The following KIAA1614 variants were observed in gnomAD, a reference collection of about 807,000 sequenced individuals.
The protein encoded by KIAA1614 is uncharacterized protein KIAA1614.
A neutral mutation model predicts 88.7 loss-of-function variants in KIAA1614; 76 were observed. The ratio of observed to expected loss-of-function variants is 0.86; its 90% CI spans 0.71 to 1.04. The LOEUF (loss-of-function observed/expected upper bound fraction) is 1.04. KIAA1614 is among the 50% of genes least tolerant of loss of function. The probability of loss-of-function intolerance (pLI) is 0.00; values close to 1 mark genes in which losing one functional copy is unlikely to be tolerated. For missense variants in KIAA1614, 1,553 were observed against 1,582.5 expected, an observed-to-expected ratio of 0.98 and a Z score of 0.32; for synonymous variants, 714 against 675.5, an observed-to-expected ratio of 1.06 and a Z score of -0.88.
Position 180,935,096 on chromosome 1 carries a change from C to T in KIAA1614, c.1206-19C>T, listed in dbSNP as rs1411675838. Reference sequence around the variant, plus strand: ...CCAGGTTTCTGCCCTTGACCTCTCTCCTCCTGTCTCTTCATCAGAGATGGC... The same window carrying T: ...CCAGGTTTCTGCCCTTGACCTCTCTTCTCCTGTCTCTTCATCAGAGATGGC... On this transcript the variant is annotated intron_variant, in intron 4 of 8. Transcript: ENST00000367588. The surrounding 1 kb of genome is among the most constrained non-coding windows in gnomAD (Gnocchi z 6.1). The T allele has an allele frequency of 2.1e-6, 3 of 1,397,356 alleles. No individual in the cohort carries two copies. The highest frequency in any genetic ancestry group is 2.8e-6 in the Non-Finnish European group (3 of 1,073,532). 86.6% of individuals were successfully genotyped at this position (1,397,356 alleles called of 1,614,324 possible). A position where few individuals can be genotyped will look rare whatever the true frequency, so the allele number is the denominator to read the frequency against.
intron 3 of KIAA1614, among the ~76,000 whole-genome samples, chr1:180,925,117 A>T (rs1654040058): frequency 6.6e-6 from 1 of 150,714 alleles, no homozygotes; most frequent in South Asian, 2.1e-4. Flanking sequence ...CAAGCCACAC[A>T]CTTCCCCGCC....
chr1:180,937,129 C>G (rs544685237), intron 5 of KIAA1614, among the ~76,000 whole-genome samples: 35 of 152,380 alleles, frequency 2.3e-4, no homozygotes, highest in Non-Finnish European at 4.3e-4. Flanking sequence ...CCCTGCCCCT[C>G]CAGCATCATT....
rs980743808 is a variant in KIAA1614, at chr1:180,928,724, T to C, written c.1205+151T>C. On this transcript the variant is annotated intron_variant, in intron 4 of 8. Coordinates refer to ENST00000367588, the MANE Select transcript of KIAA1614 (RefSeq NM_020950.2). ...TTCCATATAAGGCTCTTGCTTTGAT[T>C]ATTTAGTCAGTCAACACACCTTTCC... 6.7e-6 allele frequency: 6 copies of C among 898,584 alleles called. No homozygotes were observed. In the East Asian group the frequency reaches 1.5e-4, roughly 22 times the overall value. The allele number at this position is 898,584 out of a possible 1,614,324, so 55.7% of individuals were successfully genotyped here. A position where few individuals can be genotyped will look rare whatever the true frequency, so the allele number is the denominator to read the frequency against.
At chr1:180,918,298 C>G (rs1390098531) in intron 3 of KIAA1614, among the ~76,000 whole-genome samples, 1 of 152,206 alleles carries the variant, frequency 6.6e-6, no homozygotes, top group Admixed American at 6.5e-5. Context: ...GTGAAAATCA[C>G]TGGGGAAAAT....
At position 180,913,628 on chromosome 1, in the gene KIAA1614, T is replaced by TA. The variant is rs370724765; in HGVS notation, c.50+336dup. On this transcript the variant is annotated intron_variant, in intron 1 of 8. Coordinates refer to ENST00000367588, the MANE Select transcript of KIAA1614 (RefSeq NM_020950.2). Reference sequence around the variant, plus strand: ...CCAGAGTTTACCCATCAACAATTCTTACTTTAATTTTTTGGAGCCAGGGTC... The same window carrying TA: ...CCAGAGTTTACCCATCAACAATTCTTAACTTTAATTTTTTGGAGCCAGGGTC... Among the ~76,000 whole-genome samples, 279 of 152,334 alleles carry TA rather than the reference T, an allele frequency of 1.8e-3. 1 individual carries two copies. Among genetic ancestry groups the TA allele is most frequent in the African/African-American group, 6.1e-3 (255 of 41,578 alleles).
At chr1:180,934,252 C>CAAAAAAAAAAAAAAA (rs71121058) in intron 4 of KIAA1614, among the ~76,000 whole-genome samples, 1 of 101,814 alleles carries the variant, frequency 9.8e-6, no homozygotes, top group East Asian at 2.9e-4. Context: ...AACTCCGTCT[C>CAAAAAAAAAAAAAAA]AAAAAAAAAA....
At position 180,945,328 on chromosome 1, in the gene KIAA1614, G is replaced by C; in HGVS notation, c.3313G>C (p.Ala1105Pro). The C allele has an allele frequency of 6.3e-7, 1 of 1,587,564 alleles. No homozygotes were observed. Among genetic ancestry groups the C allele is most frequent in the Non-Finnish European group, 8.5e-7 (1 of 1,173,164 alleles). The change falls in exon 9 of 9, where the codon GCC becomes CCC. Residue 1105 changes from alanine to proline, a missense_variant. By Grantham distance (27) the Ala-to-Pro change is conservative. Transcript: ENST00000367588. The part of the protein sequence containing the change: ...GRPAKTSPRR[A>P]LSVEDVGAPS... The stretch of plus-strand genomic sequence containing the variant: ...GCCGGCCAAGACTTCACCACGGCGT[G>C]CCCTCAGTGTGGAGGACGTGGGTGC...
At position 180,946,916 on chromosome 1, in the gene KIAA1614, G is replaced by T. The variant is rs968670956; in HGVS notation, c.*1328G>T. 2 of 152,268 alleles carry T rather than the reference G, an allele frequency of 1.3e-5. No individual in the cohort carries two copies. The allele number at this position is 152,268 out of a possible 1,614,324, so 9.4% of individuals were successfully genotyped here. A position where few individuals can be genotyped will look rare whatever the true frequency, so the allele number is the denominator to read the frequency against. The stretch of plus-strand genomic sequence containing the variant: ...ATACTACCCAGTGAGCAGTTAGATT[G>T]TATCTATAAAATGTGTACTCTTGTT... On this transcript the variant is annotated 3_prime_UTR_variant, in exon 9 of 9. Coordinates refer to ENST00000367588, the MANE Select transcript of KIAA1614 (RefSeq NM_020950.2).
rs1384146464 is a variant in KIAA1614 at position 180,935,668 on chromosome 1, C to T, written c.1759C>T (p.Pro587Ser). The T allele has an allele frequency of 1.2e-6, 2 of 1,613,212 alleles. No individual in the cohort carries two copies. Among genetic ancestry groups the T allele is most frequent in the South Asian group, 1.1e-5 (1 of 91,044 alleles). The change falls in exon 5 of 9, where the codon CCC becomes TCC. Residue 587 changes from proline to serine, a missense_variant. Pro to Ser is a moderately conservative substitution (Grantham distance 74). Transcript: ENST00000367588. This position sits in a 1 kb window ranked among gnomAD's most constrained non-coding sequence, Gnocchi z 6.1. ...SSPLRLLPAE[P>S]RLHMEWIRET... is the part of the protein sequence containing the mutation. ...CCCACTCCGGCTCCTTCCTGCAGAGCCCCGGCTCCACATGGAATGGATCCG... is the reference window on the plus strand; with the variant it reads ...CCCACTCCGGCTCCTTCCTGCAGAGTCCCGGCTCCACATGGAATGGATCCG...
chr1:180,936,906 C>G (rs1010474449), intron 5 of KIAA1614, among the ~76,000 whole-genome samples: 3 of 152,290 alleles, frequency 2.0e-5, no homozygotes, highest in African/African-American at 7.2e-5. Flanking sequence ...CTAAGCAACT[C>G]CCTCCCGGGG....
chr1:180,920,036 C>T (rs1236918764), intron 3 of KIAA1614, among the ~76,000 whole-genome samples: 1 of 152,160 alleles, frequency 6.6e-6, no homozygotes, highest in Non-Finnish European at 1.5e-5. Context: ...TGGGGAAACA[C>T]GCATTGTTTG....
At chr1:180,927,070 T>C (rs1558067197) in intron 3 of KIAA1614, among the ~76,000 whole-genome samples, 1 of 152,114 alleles carries the variant, frequency 6.6e-6, no homozygotes, top group East Asian at 1.9e-4. Flanking sequence ...AAAGAAATCA[T>C]AGTCTGCCCA....
At position 180,929,077 on chromosome 1, in the gene KIAA1614, C is replaced by T. The variant is rs540503321; in HGVS notation, c.1205+504C>T. ...GCGCAACACCTACAGCCAGACCATGCGGGCTTGACTTCTGGTTCTGGCACT... is the reference window on the plus strand; with the variant it reads ...GCGCAACACCTACAGCCAGACCATGTGGGCTTGACTTCTGGTTCTGGCACT... On this transcript the variant is annotated intron_variant, in intron 4 of 8. Transcript: ENST00000367588. Among the ~76,000 whole-genome samples, 14 of 152,320 alleles carry T rather than the reference C, an allele frequency of 9.2e-5. 1 individual carries two copies. The highest frequency in any genetic ancestry group is 2.9e-4 in the African/African-American group (12 of 41,572).
rs761148715 is a variant in KIAA1614 at position 180,935,546 on chromosome 1, C to T, written c.1637C>T (p.Pro546Leu). 6 of 1,586,324 alleles carry T rather than the reference C, an allele frequency of 3.8e-6. No individual in the cohort carries two copies. In the South Asian group the frequency reaches 4.5e-5, roughly 12 times the overall value. ...CQACGSCIDD[P>L]RPAQGKAPPV... ...GCCTGCGGCAGCTGCATCGACGACC[C>T]GCGCCCCGCCCAGGGGAAGGCGCCC... is the stretch of plus-strand genomic sequence containing the variant. The change falls in exon 5 of 9, where the codon CCG (proline) becomes CTG (leucine). Residue 546 changes from proline (P) to leucine (L), a missense_variant. Transcript: ENST00000367588. The surrounding 1 kb of genome is among the most constrained non-coding windows in gnomAD (Gnocchi z 6.1).
rs76468676 is a variant in KIAA1614 at position 180,918,551 on chromosome 1, G to A, written c.1061+637G>A. On this transcript the variant is annotated intron_variant, in intron 3 of 8. Transcript: ENST00000367588. ...CACTCAAGGTGGGAGTGGGGCCATCGGCAGGCCTGACTGCAGCTGGCACCT... is the reference window on the plus strand; with the variant it reads ...CACTCAAGGTGGGAGTGGGGCCATCAGCAGGCCTGACTGCAGCTGGCACCT... 1.9e-4 allele frequency among the ~76,000 whole-genome samples: 29 copies of A among 152,312 alleles called. No individual in the cohort carries two copies. The East Asian group carries it at 5.4e-3, about 28-fold the overall frequency.
At chr1:180,942,315 C>T (rs1482496235) in intron 7 of KIAA1614, among the ~76,000 whole-genome samples, 2 of 152,238 alleles carry the variant, frequency 1.3e-5, no homozygotes, top group South Asian at 2.1e-4. Context: ...AAGCGCCCCA[C>T]GCTCTGCAAC....
chr1:180,928,022 ATCTG>A (rs1444812887), intron 3 of KIAA1614: 1 of 162,744 alleles, frequency 6.1e-6, no homozygotes, highest in Non-Finnish European at 1.3e-5. Context: ...TGGAGAGACC[ATCTG>A]TCTGGGCACA....
chr1:180,935,580 C>A lies in KIAA1614; in HGVS notation c.1671C>A (p.Pro557=). The A allele has an allele frequency of 6.2e-7, 1 of 1,608,808 alleles. No individual in the cohort carries two copies. The highest frequency in any genetic ancestry group is 2.2e-5 in the East Asian group (1 of 44,728). ...CCCAGGGGAAGGCGCCCCCCGTCCC[C>A]AGGACCCTCCAGGAGCTCCAGGCTG... ...RPAQGKAPPV[P]RTLQELQAAC... is the part of the protein sequence containing the mutation. Residue 557 remains proline (P), a synonymous_variant, in exon 5 of 9, where the codon CCC becomes CCA. Coordinates refer to ENST00000367588, the MANE Select transcript of KIAA1614 (RefSeq NM_020950.2). The surrounding 1 kb of genome is among the most constrained non-coding windows in gnomAD (Gnocchi z 6.1).
rs1021278949 is a variant in KIAA1614, at chr1:180,948,752, G to A, written c.*3164G>A. 1 of 152,308 alleles carries A rather than the reference G, an allele frequency of 6.6e-6. No homozygotes were observed. Among genetic ancestry groups the A allele is most frequent in the East Asian group, 1.9e-4 (1 of 5,206 alleles). 9.4% of individuals were successfully genotyped at this position (152,308 alleles called of 1,614,324 possible). A position where few individuals can be genotyped will look rare whatever the true frequency, so the allele number is the denominator to read the frequency against. ...TGAGGGAAAACGCCTTGTACAGTCA[G>A]GATGGCAGATGTACTCTGTCAGGGA... On this transcript the variant is annotated 3_prime_UTR_variant, in exon 9 of 9. Coordinates refer to ENST00000367588, the MANE Select transcript of KIAA1614 (RefSeq NM_020950.2).
Sources: gnomAD v4.1 joint callset for allele counts (sites outside exome capture counted in the v4.1 genomes callset) on GRCh38, gnomAD v4.1.1 for gene constraint, Gnocchi (gnomAD v3.1) non-coding constraint, MANE v1.5 for transcripts, NCBI Gene and HGNC (gene_info 2026-07-23, HGNC 2026-07-21) for gene names.